Variants in CCDC169 observed in about 807,000 individuals in gnomAD.
CCDC169 encodes the protein coiled-coil domain-containing protein 169.
Under a neutral mutation model 36.0 loss-of-function variants are expected in CCDC169, and 30 were observed. That is an observed-to-expected ratio of 0.83 (90% confidence interval 0.62 to 1.13). CCDC169 has a LOEUF of 1.13. Among genes scored for constraint, CCDC169 ranks in the 50% most tolerant of loss-of-function variants. The pLI, the probability that CCDC169 is intolerant of heterozygous loss-of-function variation, is 0.00. For synonymous variants in CCDC169, 85 were observed against 81.5 expected (o/e 1.04, Z -0.23); for missense variants, 245 against 245.9 (o/e 1.00, Z 0.03).
At chr13:36,224,557 A>C (rs1177673694), downstream of CCDC169, 2 of 152,188 alleles carry the variant, frequency 1.3e-5, no homozygotes, top group East Asian at 3.8e-4. Context: ...AAAGACATAC[A>C]CAAAAACCCC....
intron 2 of CCDC169, among the ~76,000 whole-genome samples, chr13:36,285,822 C>A (rs992161415): frequency 1.3e-5 from 2 of 152,172 alleles, no homozygotes; most frequent in Non-Finnish European, 2.9e-5. Flanking sequence ...ACAAGACACA[C>A]AGACCTTGTA....
At chr13:36,272,057 C>T (rs1280964721) in intron 4 of CCDC169, among the ~76,000 whole-genome samples, 5 of 149,604 alleles carry the variant, frequency 3.3e-5, no homozygotes, top group Non-Finnish European at 7.4e-5. Flanking sequence ...TGCACTCGCG[C>T]CCGGGTGACA....
At chr13:36,237,778 T>C (rs527548894) in intron 7 of CCDC169, among the ~76,000 whole-genome samples, 1 of 152,328 alleles carries the variant, frequency 6.6e-6, no homozygotes, top group South Asian at 2.1e-4. Flanking sequence ...ACAGTATTCC[T>C]GTAAGATTAT....
chr13:36,228,201 C>G (rs1452547396), downstream of CCDC169, among the ~76,000 whole-genome samples: 1 of 152,144 alleles, frequency 6.6e-6, no homozygotes, highest in Non-Finnish European at 1.5e-5. Flanking sequence ...CTTGCTGTGT[C>G]ATATAGTAAC....
At chr13:36,295,405 A>C (rs543090934) in intron 2 of CCDC169, among the ~76,000 whole-genome samples, 6 of 152,264 alleles carry the variant, frequency 3.9e-5, no homozygotes, top group South Asian at 2.1e-4. Context: ...AATAGCTAAA[A>C]CCTAGATACG....
chr13:36,260,017 TC>T (rs1874424638), intron 4 of CCDC169, among the ~76,000 whole-genome samples: 1 of 152,224 alleles, frequency 6.6e-6, no homozygotes, highest in Non-Finnish European at 1.5e-5. Flanking sequence ...CCCAGCTCAG[TC>T]CCTCTCCATG....
In CCDC169 at chr13:36,287,379, G is replaced by A. The variant is rs1450192182; in HGVS notation, c.164-3677C>T. On this transcript the variant is annotated intron_variant, in intron 2 of 7. Coordinates refer to ENST00000239859, the MANE Select transcript of CCDC169 (RefSeq NM_001144981.3). ...ACAAATTTCCTTGGATTACCTATTA[G>A]GGCAAATGAAGTTTGGCCATATGAA... 2.6e-5 allele frequency among the ~76,000 whole-genome samples: 4 copies of A among 152,148 alleles called. No homozygotes were observed. In the East Asian group the frequency reaches 5.8e-4, roughly 22 times the overall value.
chr13:36,242,974 T>A (rs1872030555), intron 7 of CCDC169, among the ~76,000 whole-genome samples: 1 of 152,176 alleles, frequency 6.6e-6, no homozygotes, highest in South Asian at 2.1e-4. Flanking sequence ...ATTCTGACAG[T>A]AAGTGGACAA....
In CCDC169 at chr13:36,297,550, C is replaced by T. The variant is rs541705405; in HGVS notation, c.83+87G>A. On this transcript the variant is annotated intron_variant, in intron 1 of 7. Transcript: ENST00000239859. ...TAATCACGGCGCCGGTCTTACAGCACCCTCAGCGGCTTCAGCCCTGAGACT... is the reference window on the plus strand; with the variant it reads ...TAATCACGGCGCCGGTCTTACAGCATCCTCAGCGGCTTCAGCCCTGAGACT... The T allele has an allele frequency of 4.8e-5, 64 of 1,329,152 alleles. No individual in the cohort carries two copies. The African/African-American group carries it at 6.4e-4, about 13-fold the overall frequency. The allele number at this position is 1,329,152 out of a possible 1,614,324, so 82.3% of individuals were successfully genotyped here. A position where few individuals can be genotyped will look rare whatever the true frequency, so the allele number is the denominator to read the frequency against.
downstream of CCDC169, chr13:36,226,308 G>A (rs191970779): frequency 2.3e-3 from 350 of 152,320 alleles, no homozygotes; most frequent in African/African-American, 7.8e-3. Flanking sequence ...GTATTTTGGG[G>A]AGGGGATGGT....
chr13:36,253,818 T>G lies in CCDC169; in HGVS notation c.453A>C (p.Leu151=). 1 of 1,550,122 alleles carries G rather than the reference T, an allele frequency of 6.5e-7. No individual in the cohort carries two copies. The highest frequency in any genetic ancestry group is 8.7e-7 in the Non-Finnish European group (1 of 1,146,654). The change falls in exon 6 of 8, where the codon CTA becomes CTC. Residue 151 remains leucine, a synonymous_variant. Coordinates refer to ENST00000239859, the MANE Select transcript of CCDC169 (RefSeq NM_001144981.3). ...AAAGAGTTACCTGAGACATTTCAGC[T>G]AGGTATGTACGGCGTTCATTGTTGA... ...QKINNERRTY[L]AEMSQGSGLH...
chr13:36,240,521 T>A (rs1466397305), intron 7 of CCDC169: 10 of 848,156 alleles, frequency 1.2e-5, no homozygotes, highest in South Asian at 1.7e-5. Context: ...AGCTGCTTTT[T>A]AAAAAAATCA....
intron 7 of CCDC169, among the ~76,000 whole-genome samples, chr13:36,237,806 G>A (rs142735092): frequency 6.6e-6 from 1 of 152,244 alleles, no homozygotes; most frequent in African/African-American, 2.4e-5. Flanking sequence ...TATTTGTACT[G>A]TACCTTTTCT....
intron 7 of CCDC169, among the ~76,000 whole-genome samples, chr13:36,232,451 T>C (rs1414234835): frequency 2.0e-5 from 3 of 152,094 alleles, no homozygotes; most frequent in East Asian, 3.9e-4. Context: ...CCAGAGGTAG[T>C]AGATAACAAT....
chr13:36,253,951 AAT>A, intron 5 of CCDC169, 92 bp downstream of exon 5: 1 of 1,531,820 alleles, frequency 6.5e-7, no homozygotes, highest in Non-Finnish European at 8.8e-7. Flanking sequence ...TAGTGTAGGA[AAT>A]AGTTTTGTGT....
At chr13:36,285,476 G>A (rs1778923671) in intron 2 of CCDC169, among the ~76,000 whole-genome samples, 1 of 152,038 alleles carries the variant, frequency 6.6e-6, no homozygotes, top group Admixed American at 6.6e-5. Context: ...CTTGAACCCG[G>A]GAGGCAGAGG....
At chr13:36,261,189 G>A (rs1270152972) in intron 4 of CCDC169, among the ~76,000 whole-genome samples, 1 of 152,182 alleles carries the variant, frequency 6.6e-6, no homozygotes, top group Non-Finnish European at 1.5e-5. Context: ...GGTCACCCCA[G>A]TGGGTGGACA....
intron 7 of CCDC169, among the ~76,000 whole-genome samples, chr13:36,233,361 A>T (rs1399008610): frequency 1.3e-5 from 2 of 152,196 alleles, no homozygotes; most frequent in Non-Finnish European, 2.9e-5. Flanking sequence ...CAGAGTGGCC[A>T]TGTTACATAT....
chr13:36,271,352 T>G (rs1876030312), intron 4 of CCDC169, among the ~76,000 whole-genome samples: 2 of 152,156 alleles, frequency 1.3e-5, no homozygotes. Context: ...GTACGGAGAT[T>G]CCTTAAACAG....
Sources: allele counts gnomAD v4.1 joint callset (sites outside exome capture counted in the v4.1 genomes callset), GRCh38; gene constraint gnomAD v4.1.1; transcripts MANE v1.5; gene names NCBI Gene and HGNC (gene_info 2026-07-23, HGNC 2026-07-21).